PCDHGA11: variants seen among roughly 807,000 people sequenced by gnomAD.
PCDHGA11 encodes the protein protocadherin gamma subfamily A, 11.
Under a neutral mutation model 60.4 loss-of-function variants are expected in PCDHGA11, and 39 were observed. The ratio of observed to expected loss-of-function variants is 0.65; its 90% CI spans 0.50 to 0.84. PCDHGA11 has a LOEUF of 0.84. PCDHGA11 is among the 40% of genes least tolerant of loss of function. The probability of loss-of-function intolerance (pLI) is 0.00; values close to 1 mark genes in which losing one functional copy is unlikely to be tolerated. For missense variants in PCDHGA11, 1,165 were observed against 1,197.7 expected (o/e 0.97, Z 0.40); for synonymous variants, 533 against 510.3 (o/e 1.04, Z -0.60).
At position 141,490,207 on chromosome 5, in the gene PCDHGA11, C is replaced by T. The variant is rs142098675; in HGVS notation, c.2434-4600C>T. On this transcript the variant is annotated intron_variant, in intron 1 of 3. Transcript: ENST00000398587. This position sits in a 1 kb window ranked among gnomAD's most constrained non-coding sequence, Gnocchi z 5.4. ...TTTCTATGAAATTCATGCAAGAGCC[C>T]GTGACCAGGGACAGCCTGCCATGGA... 41 of 1,614,056 alleles carry T rather than the reference C, an allele frequency of 2.5e-5. No homozygotes were observed. The highest frequency in any genetic ancestry group is 3.3e-4 in the Middle Eastern group (2 of 6,084).
At chr5:141,500,887 T>C (rs557735403) in intron 2 of PCDHGA11, among the ~76,000 whole-genome samples, 1 of 95,622 alleles carries the variant, frequency 1.0e-5, no homozygotes, top group South Asian at 2.8e-4. Context: ...ATTTTTTTTT[T>C]TTGAGACAGT....
chr5:141,507,632 G>A (rs551849213), intron 3 of PCDHGA11, among the ~76,000 whole-genome samples: 6 of 152,360 alleles, frequency 3.9e-5, no homozygotes, highest in Non-Finnish European at 7.3e-5. Flanking sequence ...GTGGCCTTGC[G>A]CCCTGAGGCC....
rs774630488 is a variant in PCDHGA11 at position 141,490,640 on chromosome 5, G to A, written c.2434-4167G>A. On this transcript the variant is annotated intron_variant, in intron 1 of 3. Transcript: ENST00000398587. The surrounding 1 kb of genome is among the most constrained non-coding windows in gnomAD (Gnocchi z 5.4). Reference sequence around the variant, plus strand: ...TACACTGCTTACATCCTAGAAAACCGGCCTCCGGGCTCCCTTCTTTGCACT... The same window carrying A: ...TACACTGCTTACATCCTAGAAAACCAGCCTCCGGGCTCCCTTCTTTGCACT... 2.6e-5 allele frequency: 42 copies of A among 1,614,004 alleles called. No individual in the cohort carries two copies. The highest frequency in any genetic ancestry group is 1.6e-4 in the Middle Eastern group (1 of 6,084).
chr5:141,461,480 G>A (rs1478939044), intron 1 of PCDHGA11, among the ~76,000 whole-genome samples: 1 of 151,970 alleles, frequency 6.6e-6, no homozygotes, highest in Non-Finnish European at 1.5e-5. Context: ...ACTTTTTAAT[G>A]GGATTGTGTT....
intron 1 of PCDHGA11, among the ~76,000 whole-genome samples, chr5:141,483,294 T>G (rs1392406131): frequency 2.0e-5 from 3 of 152,100 alleles, no homozygotes; most frequent in Non-Finnish European, 4.4e-5. Flanking sequence ...CAGTCATAAG[T>G]GAAGGGACTG....
chr5:141,453,848 C>T (rs1045684685), intron 1 of PCDHGA11, among the ~76,000 whole-genome samples: 38 of 152,290 alleles, frequency 2.5e-4, no homozygotes, highest in Non-Finnish European at 4.4e-4. Context: ...GTCCACAGAG[C>T]ACTTTGAAAA....
rs201073884 is a variant in PCDHGA11 at position 141,486,264 on chromosome 5, A to C, written c.2434-8543A>C. On this transcript the variant is annotated intron_variant, in intron 1 of 3. Coordinates refer to ENST00000398587, the MANE Select transcript of PCDHGA11 (RefSeq NM_018914.3). This position sits in a 1 kb window ranked among gnomAD's most constrained non-coding sequence, Gnocchi z 5.0. The stretch of plus-strand genomic sequence containing the variant: ...CTTGGAACCCTCCCCGAGAGTGCAG[A>C]ACCTGGCACTGTGGTGGCACTTATC... 8 of 1,614,032 alleles carry C rather than the reference A, an allele frequency of 5.0e-6. No individual in the cohort carries two copies. The East Asian group carries it at 1.6e-4, about 31-fold the overall frequency.
chr5:141,464,343 A>C (rs944042669), intron 1 of PCDHGA11, among the ~76,000 whole-genome samples: 7 of 151,212 alleles, frequency 4.6e-5, no homozygotes, highest in African/African-American at 1.5e-4. Context: ...ATGACTTGTC[A>C]TTTAGGTAGT....
intron 3 of PCDHGA11, among the ~76,000 whole-genome samples, chr5:141,507,777 CT>C (rs1213538221): frequency 6.6e-6 from 1 of 152,220 alleles, no homozygotes; most frequent in Admixed American, 6.5e-5. Context: ...CACACAGGGC[CT>C]GACCCTCGTC....
chr5:141,475,049 A>G (rs553607902), intron 1 of PCDHGA11, among the ~76,000 whole-genome samples: 81 of 152,346 alleles, frequency 5.3e-4, no homozygotes, highest in African/African-American at 1.8e-3. Context: ...TGTATTTTCT[A>G]AAGATTTGTG....
chr5:141,475,080 C>T (rs963278755), intron 1 of PCDHGA11, among the ~76,000 whole-genome samples: 3 of 152,128 alleles, frequency 2.0e-5, no homozygotes, highest in South Asian at 4.1e-4. Flanking sequence ...GCCATTATTT[C>T]AATAATTTTA....
intron 1 of PCDHGA11, chr5:141,433,325 C>CA: frequency 2.8e-6 from 2 of 726,266 alleles, no homozygotes; most frequent in Non-Finnish European, 4.5e-6. Context: ...TCCGGTGTAA[C>CA]AGGGACTACA....
intron 1 of PCDHGA11, among the ~76,000 whole-genome samples, chr5:141,463,224 G>C (rs1039535501): frequency 6.6e-6 from 1 of 151,958 alleles, no homozygotes; most frequent in Non-Finnish European, 1.5e-5. Context: ...AATATTCCTG[G>C]AGTTCTTTGT....
intron 1 of PCDHGA11, among the ~76,000 whole-genome samples, chr5:141,471,992 C>T (rs2099268578): frequency 6.6e-6 from 1 of 152,070 alleles, no homozygotes; most frequent in Non-Finnish European, 1.5e-5. Flanking sequence ...TATTAAAAAT[C>T]CCTGCATCGT....
chr5:141,502,087 C>T (rs1289663374), intron 2 of PCDHGA11, among the ~76,000 whole-genome samples: 1 of 152,180 alleles, frequency 6.6e-6, no homozygotes, highest in Admixed American at 6.5e-5. Context: ...GGGCTGAGAA[C>T]ACCTGGCCTT....
chr5:141,494,921 A>C (rs1345734925), intron 2 of PCDHGA11, 56 bp downstream of exon 2: 6 of 1,613,556 alleles, frequency 3.7e-6, no homozygotes, highest in Non-Finnish European at 5.1e-6. Flanking sequence ...CTCAGGGATG[A>C]CGTGGGAGGA....
chr5:141,443,708 T>G (rs2098400247), intron 1 of PCDHGA11, among the ~76,000 whole-genome samples: 1 of 152,192 alleles, frequency 6.6e-6, no homozygotes, highest in Non-Finnish European at 1.5e-5. Context: ...GAATAACATT[T>G]GCATATAAAA....
At chr5:141,426,655 A>C (rs2096950037) in intron 1 of PCDHGA11, 1 of 424,748 alleles carries the variant, frequency 2.4e-6, no homozygotes, top group Non-Finnish European at 4.8e-6. Flanking sequence ...ATGATAGAAG[A>C]TATAAATGAT....
In PCDHGA11 at chr5:141,423,216, G is replaced by A. The variant is rs376530221; in HGVS notation, c.1989G>A (p.Val663=). ...PPLSATVTLT[V]AVADSIPEVL... ...TCTCGGCCACCGTCACGCTCACCGT[G>A]GCTGTGGCCGACAGCATCCCCGAAG... Residue 663 remains valine (V), a synonymous_variant, in exon 1 of 4, where the codon GTG becomes GTA. Transcript: ENST00000398587. The A allele has an allele frequency of 1.2e-6, 2 of 1,613,632 alleles. No individual in the cohort carries two copies. The highest frequency in any genetic ancestry group is 2.7e-5 in the African/African-American group (2 of 74,950).
Sources: gnomAD v4.1 joint callset for allele counts (sites outside exome capture counted in the v4.1 genomes callset) on GRCh38, gnomAD v4.1.1 for gene constraint, Gnocchi (gnomAD v3.1) non-coding constraint, MANE v1.5 for transcripts, NCBI Gene and HGNC (gene_info 2026-07-23, HGNC 2026-07-21) for gene names.